The following GTF3C2 variants were observed in gnomAD, a reference collection of about 807,000 sequenced individuals.
GTF3C2 encodes the protein general transcription factor 3C polypeptide 2.
Under a neutral mutation model 117.4 loss-of-function variants are expected in GTF3C2, and 17 were observed. The ratio of observed to expected loss-of-function variants is 0.14; its 90% CI spans 0.10 to 0.22. GTF3C2 has a LOEUF of 0.22. Among genes scored for constraint, GTF3C2 ranks in the 10% least tolerant of loss-of-function variants. The pLI, the probability that GTF3C2 is intolerant of heterozygous loss-of-function variation, is 1.00. For missense variants in GTF3C2, 888 were observed against 1,143.6 expected, an observed-to-expected ratio of 0.78 and a Z score of 3.22; for synonymous variants, 437 against 427.0, an observed-to-expected ratio of 1.02 and a Z score of -0.29.
Position 27,356,394 on chromosome 2 carries a change from G to A in GTF3C2, c.-25+345C>T, listed in dbSNP as rs148230462. 398 of 268,824 alleles carry A rather than the reference G, an allele frequency of 1.5e-3. 3 individuals are homozygous for A. The highest frequency in any genetic ancestry group is 7.5e-3 in the African/African-American group (346 of 46,178). 16.7% of individuals were successfully genotyped at this position (268,824 alleles called of 1,614,324 possible). ...TTCTCCCCTAGCCTGTGCGGGAGAG[G>A]AGCCCTGGTTTTTCTAACAAGGACT... On this transcript the variant is annotated intron_variant, in intron 1 of 18. Coordinates refer to ENST00000264720, the Ensembl canonical transcript of GTF3C2.
chr2:27,336,124 TC>T (rs1680467013), intron 8 of GTF3C2, 73 bp downstream of exon 8: 5 of 1,413,464 alleles, frequency 3.5e-6, no homozygotes, highest in Non-Finnish European at 5.0e-6. Context: ...TCCAAGCCCT[TC>T]CCCCTATCCT....
Position 27,343,549 on chromosome 2 carries a change from A to G in GTF3C2, c.6T>C (p.Asp2=), listed in dbSNP as rs373728777. 4 of 1,613,856 alleles carry G rather than the reference A, an allele frequency of 2.5e-6. No homozygotes were observed. In the African/African-American group the frequency reaches 5.3e-5, roughly 22 times the overall value. ...GGGCAACATAGCCGACCCCGCAGGT[A>G]TCCATCAGCACCCCCCAAAATGGCT... The change falls in exon 2 of 19, where the codon GAT becomes GAC. Residue 2 remains aspartate, a synonymous_variant. Transcript: ENST00000264720.
intron 1 of GTF3C2, among the ~76,000 whole-genome samples, chr2:27,348,752 C>T (rs1681008091): frequency 6.6e-6 from 1 of 152,196 alleles, no homozygotes; most frequent in Non-Finnish European, 1.5e-5. Context: ...AAGATCACAC[C>T]ACTGCATCCC....
rs764844460 is a variant in GTF3C2, at chr2:27,333,719, C to T, written c.1668G>A (p.Gln556=). 1.2e-5 allele frequency: 19 copies of T among 1,611,212 alleles called. No individual in the cohort carries two copies. The Admixed American group carries it at 2.0e-4, about 17-fold the overall frequency. Residue 556 remains glutamine, a synonymous_variant, in exon 12 of 19, where the codon CAG becomes CAA. Transcript: ENST00000264720. ...TAGGCATCCAGGCCAGGCTAAGGCA[C>T]TGACCACACTCAGAGGGGTCTGTAG...
intron 12 of GTF3C2, among the ~76,000 whole-genome samples, chr2:27,333,161 T>TC (rs1680339758): frequency 6.8e-6 from 1 of 147,376 alleles, no homozygotes; most frequent in Admixed American, 6.7e-5. Flanking sequence ...ATCTACTCTT[T>TC]TTTTTTTTTT....
At chr2:27,335,650 T>C (rs1182116549) in exon 10 of GTF3C2, 6 of 1,561,120 alleles carry the variant, frequency 3.8e-6, no homozygotes, top group Non-Finnish European at 4.3e-6. Flanking sequence ...TGAATAGCAG[T>C]ACTTTCCCGT....
At chr2:27,337,849 C>T (rs962708844) in intron 5 of GTF3C2, 77 bp downstream of exon 5, 69 of 852,542 alleles carry the variant, frequency 8.1e-5, no homozygotes, top group African/African-American at 6.8e-4. Flanking sequence ...CTCTTTCCCA[C>T]GGCCCCACTT....
At chr2:27,341,862 C>G (rs974125118) in intron 4 of GTF3C2, 86 bp downstream of exon 4, 30 of 1,176,714 alleles carry the variant, frequency 2.5e-5, no homozygotes, top group Non-Finnish European at 3.4e-5. Context: ...GTTACCAGGT[C>G]AAAGCTGTCC....
At chr2:27,331,961 A>G (rs1331584261) in intron 12 of GTF3C2, among the ~76,000 whole-genome samples, 1 of 151,954 alleles carries the variant, frequency 6.6e-6, no homozygotes, top group African/African-American at 2.4e-5. Flanking sequence ...AACAAAACCT[A>G]ATAACTCCAA....
rs141860807 is a variant in GTF3C2, at chr2:27,343,369, A to C, written c.186T>G (p.Asp62Glu). The change falls in exon 2 of 19, where the codon GAT (aspartate) becomes GAG (glutamate). Residue 62 changes from aspartate to glutamate, a missense_variant. Asp to Glu is a conservative substitution (Grantham distance 45). Transcript: ENST00000264720. The stretch of plus-strand genomic sequence containing the variant: ...GAGGGAGCCTCCTCTGATCAGGAGA[A>C]TCCTCAAATCCAGGCAAAGGGGTAG... The C allele has an allele frequency of 2.6e-5, 42 of 1,613,912 alleles. No individual in the cohort carries two copies. The African/African-American group carries it at 3.3e-4, about 13-fold the overall frequency.
At chr2:27,345,828 C>T (rs1680898169) in intron 1 of GTF3C2, among the ~76,000 whole-genome samples, 1 of 150,910 alleles carries the variant, frequency 6.6e-6, no homozygotes. Context: ...ATTCTCCTGC[C>T]TCGGCCTTCC....
intron 12 of GTF3C2, 181 bp downstream of exon 12, chr2:27,333,474 A>AT (rs1250482665): frequency 3.6e-6 from 2 of 557,100 alleles, no homozygotes; most frequent in East Asian, 3.1e-5. Flanking sequence ...TGTACTCTTA[A>AT]TTTTTTTCTG....
At chr2:27,353,505 C>G (rs1291107743) in intron 1 of GTF3C2, among the ~76,000 whole-genome samples, 2 of 151,768 alleles carry the variant, frequency 1.3e-5, no homozygotes, top group African/African-American at 4.8e-5. Context: ...GGGGCATGCT[C>G]TCTGCTCACC....
chr2:27,345,933 T>C (rs1415414958), intron 1 of GTF3C2, among the ~76,000 whole-genome samples: 2 of 151,814 alleles, frequency 1.3e-5, no homozygotes, highest in Non-Finnish European at 1.5e-5. Flanking sequence ...CAGGCTGGTC[T>C]TGGACTCCTG....
At chr2:27,348,038 G>A (rs1023569215) in intron 1 of GTF3C2, among the ~76,000 whole-genome samples, 1 of 152,118 alleles carries the variant, frequency 6.6e-6, no homozygotes, top group Admixed American at 6.6e-5. Flanking sequence ...TAGGAGGCCC[G>A]GACGGGCCAA....
chr2:27,341,956 T>C, exon 4 of GTF3C2: 2 of 1,613,646 alleles, frequency 1.2e-6, no homozygotes, highest in Non-Finnish European at 1.7e-6. Context: ...ACCCCTGAAG[T>C]AGATCCTCGT....
intron 1 of GTF3C2, among the ~76,000 whole-genome samples, chr2:27,354,991 C>T (rs570213612): frequency 5.9e-5 from 9 of 152,248 alleles, no homozygotes; most frequent in Admixed American, 2.0e-4. Flanking sequence ...TACTGTACTA[C>T]ACTGAAGAAC....
At chr2:27,337,945 G>T in exon 5 of GTF3C2, 1 of 1,604,102 alleles carries the variant, frequency 6.2e-7, no homozygotes, top group Non-Finnish European at 8.5e-7. Context: ...GTGAGATGGA[G>T]GCACTTCCAA....
chr2:27,352,870 G>A (rs1291146620), intron 1 of GTF3C2, among the ~76,000 whole-genome samples: 2 of 152,044 alleles, frequency 1.3e-5, no homozygotes, highest in East Asian at 3.9e-4. Context: ...CTACTTTCTT[G>A]AAACATTCAC....
Sources: allele counts gnomAD v4.1 joint callset (sites outside exome capture counted in the v4.1 genomes callset), GRCh38; gene constraint gnomAD v4.1.1; transcripts MANE v1.5; gene names NCBI Gene and HGNC (gene_info 2026-07-23, HGNC 2026-07-21).